KCTD12: variants seen among roughly 807,000 people sequenced by gnomAD.
KCTD12 encodes potassium channel tetramerization domain containing 12, also known as BTB/POZ domain-containing protein KCTD12.
A neutral mutation model predicts 22.6 loss-of-function variants in KCTD12; 16 were observed. The ratio of observed to expected loss-of-function variants is 0.71; its 90% confidence interval spans 0.48 to 1.07. The LOEUF is 1.07. Among genes scored for constraint, KCTD12 ranks in the 50% least tolerant of loss-of-function variants. KCTD12 has a pLI of 0.00. For missense variants in KCTD12, 452 were observed against 469.2 expected (o/e 0.96, Z 0.34); for synonymous variants, 260 against 228.0 (o/e 1.14, Z -1.26).
rs2033215369 is a variant in KCTD12 at position 76,882,547 on chromosome 13, CA to C, written c.*2623del. ...GTTGAGCAGATTTGAGAAGGGAAATCAGAATCGCCGAGCCTTGCCATCTGTC... is the reference window on the plus strand; with the variant it reads ...GTTGAGCAGATTTGAGAAGGGAAATCGAATCGCCGAGCCTTGCCATCTGTC... On this transcript the variant is annotated 3_prime_UTR_variant, in exon 1 of 1. Coordinates refer to ENST00000377474, the MANE Select transcript of KCTD12 (RefSeq NM_138444.4). 1.3e-5 allele frequency: 2 copies of C among 152,300 alleles called. No homozygotes were observed. Among genetic ancestry groups the C allele is most frequent in the African/African-American group, 4.8e-5 (2 of 41,568 alleles). 9.4% of individuals were successfully genotyped at this position (152,300 alleles called of 1,614,324 possible). A position where few individuals can be genotyped will look rare whatever the true frequency, so the allele number is the denominator to read the frequency against.
chr13:76,885,458 G>A lies in KCTD12; in HGVS notation c.691C>T (p.Arg231Trp). The change falls in exon 1 of 1, where the codon CGG (arginine) becomes TGG (tryptophan). Residue 231 changes from arginine (R) to tryptophan (W), a missense_variant. Transcript: ENST00000377474. The surrounding 1 kb of genome is among the most constrained non-coding windows in gnomAD (Gnocchi z 5.1). ...CAAACGGTGATGCGCGCCACTCGCC[G>A]GAACTTGGCGTCCGCCTGCGCGTCC... ...GRDAQADAKF[R>W]RVARITVCGK... The A allele has an allele frequency of 1.2e-6, 2 of 1,610,524 alleles. No homozygotes were observed. The highest frequency in any genetic ancestry group is 1.7e-6 in the Non-Finnish European group (2 of 1,179,802).
At position 76,884,843 on chromosome 13, in the gene KCTD12, A is replaced by G. The variant is rs1411984362; in HGVS notation, c.*328T>C. 3 of 309,296 alleles carry G rather than the reference A, an allele frequency of 9.7e-6. No homozygotes were observed. Among genetic ancestry groups the G allele is most frequent in the African/African-American group, 2.1e-5 (1 of 46,660 alleles). 19.2% of individuals were successfully genotyped at this position (309,296 alleles called of 1,614,324 possible). A position where few individuals can be genotyped will look rare whatever the true frequency, so the allele number is the denominator to read the frequency against. ...CCCGGTCTGTGGCCACACTCCCCCA[A>G]TAGATCCAAACTGAAGTACCATCTG... On this transcript the variant is annotated 3_prime_UTR_variant, in exon 1 of 1. Transcript: ENST00000377474.
chr13:76,880,247 ACT>A lies in KCTD12; in HGVS notation c.*4922_*4923del, dbSNP rs1274891093. ...CAAGTCACATAATCAATGATTCATTACTTCACACACAGGAAGGAAAACAGTAG... is the reference window on the plus strand; with the variant it reads ...CAAGTCACATAATCAATGATTCATTATCACACACAGGAAGGAAAACAGTAG... On this transcript the variant is annotated 3_prime_UTR_variant, in exon 1 of 1. Coordinates refer to ENST00000377474, the MANE Select transcript of KCTD12 (RefSeq NM_138444.4). The A allele has an allele frequency of 1.3e-5, 2 of 152,666 alleles. No homozygotes were observed. The highest frequency in any genetic ancestry group is 4.8e-5 in the African/African-American group (2 of 41,474). 9.5% of individuals were successfully genotyped at this position (152,666 alleles called of 1,614,324 possible).
chr13:76,884,884 G>C lies in KCTD12; in HGVS notation c.*287C>G, dbSNP rs2033243867. 4.9e-6 allele frequency: 2 copies of C among 405,728 alleles called. No homozygotes were observed. Among genetic ancestry groups the C allele is most frequent in the African/African-American group, 4.0e-5 (2 of 49,624 alleles). The allele number at this position is 405,728 out of a possible 1,614,324, so 25.1% of individuals were successfully genotyped here. A position where few individuals can be genotyped will look rare whatever the true frequency, so the allele number is the denominator to read the frequency against. On this transcript the variant is annotated 3_prime_UTR_variant, in exon 1 of 1. Transcript: ENST00000377474. ...GTACCATCTGGGGGAGGGGTGGTTTGAGGCAGGGAGTAGAGAAAGCATGGA... is the reference window on the plus strand; with the variant it reads ...GTACCATCTGGGGGAGGGGTGGTTTCAGGCAGGGAGTAGAGAAAGCATGGA...
chr13:76,885,941 G>A lies in KCTD12; in HGVS notation c.208C>T (p.Gln70Ter), dbSNP rs1460373026. Residue 70 changes from glutamine to a stop codon, truncating the protein, a stop_gained, in exon 1 of 1, where the codon CAG (glutamine) becomes TAG (stop). Transcript: ENST00000377474. LOFTEE classifies it high-confidence loss of function. This position sits in a 1 kb window ranked among gnomAD's most constrained non-coding sequence, Gnocchi z 5.1. ...LWRMFTQQQP[Q>*]ELARDSKGRF... ...CCTTTGCTGTCCCGGGCCAGCTCCT[G>A]CGGCTGCTGCTGCGTGAACATGCGC... 6.3e-7 allele frequency: 1 copy of A among 1,591,600 alleles called. No homozygotes were observed. Among genetic ancestry groups the A allele is most frequent in the South Asian group, 1.1e-5 (1 of 89,690 alleles).
Position 76,885,057 on chromosome 13 carries a change from G to C in KCTD12, c.*114C>G. On this transcript the variant is annotated 3_prime_UTR_variant, in exon 1 of 1. Coordinates refer to ENST00000377474, the MANE Select transcript of KCTD12 (RefSeq NM_138444.4). The surrounding 1 kb of genome is among the most constrained non-coding windows in gnomAD (Gnocchi z 5.1). ...CAGGTCTCACCCAGCTACTACTGGA[G>C]GGGGAGAATGGGAGGGCAGCAGCCA... 8.3e-7 allele frequency: 1 copy of C among 1,202,776 alleles called. No individual in the cohort carries two copies. The allele number at this position is 1,202,776 out of a possible 1,614,324, so 74.5% of individuals were successfully genotyped here.
At position 76,885,980 on chromosome 13, in the gene KCTD12, C is replaced by T; in HGVS notation, c.169G>A (p.Asp57Asn). 6.3e-7 allele frequency: 1 copy of T among 1,588,848 alleles called. No individual in the cohort carries two copies. Among genetic ancestry groups the T allele is most frequent in the Non-Finnish European group, 8.5e-7 (1 of 1,174,218 alleles). ...TRRCTVVSVP[D>N]SLLWRMFTQQ... ...GTGAACATGCGCCAGAGCAGCGAGT[C>T]GGGCACCGACACCACCGTGCAGCGC... Residue 57 changes from aspartate to asparagine, a missense_variant, in exon 1 of 1, where the codon GAC becomes AAC. Around this residue, in one of 2 missense-constraint regions of KCTD12, gnomAD observed 330 missense variants for 296.5 expected, o/e 1.11. Coordinates refer to ENST00000377474, the MANE Select transcript of KCTD12 (RefSeq NM_138444.4). The surrounding 1 kb of genome is among the most constrained non-coding windows in gnomAD (Gnocchi z 5.1).
At position 76,886,288 on chromosome 13, in the gene KCTD12, A is replaced by ACCACCGCCACCG. The variant is rs1555308971; in HGVS notation, c.-141_-140insCGGTGGCGGTGG. On this transcript the variant is annotated 5_prime_UTR_variant, in exon 1 of 1. Coordinates refer to ENST00000377474, the MANE Select transcript of KCTD12 (RefSeq NM_138444.4). Reference sequence around the variant, plus strand: ...CGCCGCCGCCGCCGCCACCGCCGCCACCGCCACCGCCGCCACCTCCTAGAG... The same window carrying ACCACCGCCACCG: ...CGCCGCCGCCGCCGCCACCGCCGCCACCACCGCCACCGCCGCCACCGCCGCCACCTCCTAGAG... The ACCACCGCCACCG allele has an allele frequency of 7.2e-5, 75 of 1,047,780 alleles. 1 individual carries two copies. The Admixed American group carries it at 2.9e-3, about 40-fold the overall frequency. 64.9% of individuals were successfully genotyped at this position (1,047,780 alleles called of 1,614,324 possible).
Position 76,885,189 on chromosome 13 carries a change from G to T in KCTD12, c.960C>A (p.Tyr320Ter). The T allele has an allele frequency of 6.2e-7, 1 of 1,613,416 alleles. No individual in the cohort carries two copies. The highest frequency in any genetic ancestry group is 1.7e-5 in the Admixed American group (1 of 60,004). ...GGGGAGCTCACTCCCTGCAGAAGAC[G>T]TACTCGGTGTAGCTGGTCCAGATCT... ...EDKIWTSYTEYVFCRE is the reference protein window; with the variant it reads ...EDKIWTSYTE Residue 320 changes from tyrosine (Y) to a stop codon, truncating the protein, a stop_gained, in exon 1 of 1, where the codon TAC becomes TAA. Coordinates refer to ENST00000377474, the MANE Select transcript of KCTD12 (RefSeq NM_138444.4). LOFTEE classifies it high-confidence loss of function. This position sits in a 1 kb window ranked among gnomAD's most constrained non-coding sequence, Gnocchi z 5.1.
rs1219774761 is a variant in KCTD12, at chr13:76,885,216, G to C, written c.933C>G (p.Asp311Glu). Residue 311 changes from aspartate to glutamate, a missense_variant, in exon 1 of 1, where the codon GAC (aspartate) becomes GAG (glutamate). This residue lies in a region of KCTD12 where 122 missense variants were observed against 172.8 expected (regional missense o/e 0.71). Transcript: ENST00000377474. The surrounding 1 kb of genome is among the most constrained non-coding windows in gnomAD (Gnocchi z 5.1). ...ACTCGGTGTAGCTGGTCCAGATCTT[G>C]TCCTCGCTCTGGTCGGTGCTGCTGG... is the stretch of plus-strand genomic sequence containing the variant. ...AFASSTDQSE[D>E]KIWTSYTEYV... The C allele has an allele frequency of 6.2e-7, 1 of 1,614,076 alleles. No individual in the cohort carries two copies. The highest frequency in any genetic ancestry group is 8.5e-7 in the Non-Finnish European group (1 of 1,180,038).
Position 76,885,733 on chromosome 13 carries a change from G to A in KCTD12, c.416C>T (p.Pro139Leu). 1 of 1,409,834 alleles carries A rather than the reference G, an allele frequency of 7.1e-7. No homozygotes were observed. The highest frequency in any genetic ancestry group is 2.9e-5 in the East Asian group (1 of 34,550). 87.3% of individuals were successfully genotyped at this position (1,409,834 alleles called of 1,614,324 possible). A position where few individuals can be genotyped will look rare whatever the true frequency, so the allele number is the denominator to read the frequency against. Residue 139 changes from proline (P) to leucine (L), a missense_variant, in exon 1 of 1, where the codon CCG becomes CTG. This residue lies in a region of KCTD12 where 330 missense variants were observed against 296.5 expected (regional missense o/e 1.11). Transcript: ENST00000377474. The surrounding 1 kb of genome is among the most constrained non-coding windows in gnomAD (Gnocchi z 5.1). ...LGAPQQPGPG[P>L]PPSRRGVHKE... The stretch of plus-strand genomic sequence containing the variant: ...GTGCACCCCGCGCCGCGAGGGCGGC[G>A]GCCCCGGGCCGGGCTGCTGGGGCGC...
At position 76,884,889 on chromosome 13, in the gene KCTD12, AGGG is replaced by A. The variant is rs2033244013; in HGVS notation, c.*279_*281del. ...ATCTGGGGGAGGGGTGGTTTGAGGC[AGGG>A]AGTAGAGAAAGCATGGAGTGGTAGG... On this transcript the variant is annotated 3_prime_UTR_variant, in exon 1 of 1. Coordinates refer to ENST00000377474, the MANE Select transcript of KCTD12 (RefSeq NM_138444.4). The A allele has an allele frequency of 1.4e-5, 5 of 346,182 alleles. No individual in the cohort carries two copies. The highest frequency in any genetic ancestry group is 2.5e-5 in the Non-Finnish European group (5 of 198,126). 21.4% of individuals were successfully genotyped at this position (346,182 alleles called of 1,614,324 possible).
chr13:76,882,117 G>A lies in KCTD12; in HGVS notation c.*3054C>T, dbSNP rs1345395087. 2.0e-5 allele frequency: 3 copies of A among 152,144 alleles called. No individual in the cohort carries two copies. The highest frequency in any genetic ancestry group is 7.2e-5 in the African/African-American group (3 of 41,416). 9.4% of individuals were successfully genotyped at this position (152,144 alleles called of 1,614,324 possible). On this transcript the variant is annotated 3_prime_UTR_variant, in exon 1 of 1. Transcript: ENST00000377474. The stretch of plus-strand genomic sequence containing the variant: ...ATAGGAAATTACAATCCACTTTACA[G>A]GCCTCAAAGGTTCATTCTGTGGCCC...
rs1038931230 is a variant in KCTD12, at chr13:76,881,549, G to A, written c.*3622C>T. 1 of 152,578 alleles carries A rather than the reference G, an allele frequency of 6.6e-6. No individual in the cohort carries two copies. The highest frequency in any genetic ancestry group is 6.5e-5 in the Admixed American group (1 of 15,286). 9.5% of individuals were successfully genotyped at this position (152,578 alleles called of 1,614,324 possible). On this transcript the variant is annotated 3_prime_UTR_variant, in exon 1 of 1. Transcript: ENST00000377474. ...ATTTTGTCTGATATTAACAGATTAT[G>A]CATTTCCTCAGAGAAGCAGTAGGTC...
chr13:76,881,742 A>G lies in KCTD12; in HGVS notation c.*3429T>C, dbSNP rs868197140. The G allele has an allele frequency of 2.1e-4, 32 of 151,944 alleles. No individual in the cohort carries two copies. Among genetic ancestry groups the G allele is most frequent in the African/African-American group, 7.0e-4 (29 of 41,368 alleles). The allele number at this position is 151,944 out of a possible 1,614,324, so 9.4% of individuals were successfully genotyped here. A position where few individuals can be genotyped will look rare whatever the true frequency, so the allele number is the denominator to read the frequency against. On this transcript the variant is annotated 3_prime_UTR_variant, in exon 1 of 1. Transcript: ENST00000377474. ...CTTCAAGGAATATTTTCTACAGCAT[A>G]TCATTTGAAAAAGTAGAATGAATAC...
chr13:76,883,247 T>C lies in KCTD12; in HGVS notation c.*1924A>G, dbSNP rs1294650086. ...AATAAAACTGTCGATTTGTAACATCTGTATGGACATAGTAAGATACAGTAC... is the reference window on the plus strand; with the variant it reads ...AATAAAACTGTCGATTTGTAACATCCGTATGGACATAGTAAGATACAGTAC... On this transcript the variant is annotated 3_prime_UTR_variant, in exon 1 of 1. Coordinates refer to ENST00000377474, the MANE Select transcript of KCTD12 (RefSeq NM_138444.4). The C allele has an allele frequency of 9.8e-5, 15 of 152,358 alleles. 1 individual carries two copies. The South Asian group carries it at 2.5e-3, about 25-fold the overall frequency. The allele number at this position is 152,358 out of a possible 1,614,324, so 9.4% of individuals were successfully genotyped here.
Position 76,886,130 on chromosome 13 carries a change from T to C in KCTD12, c.19A>G (p.Thr7Ala). ...CCGCCCCCGTTGGGTAATCCACGTGTGCTGTCCGCCAGAGCCATGACAGAG... is the reference window on the plus strand; with the variant it reads ...CCGCCCCCGTTGGGTAATCCACGTGCGCTGTCCGCCAGAGCCATGACAGAG... MALADS[T>A]RGLPNGGGGG... is the part of the protein sequence containing the mutation. Residue 7 changes from threonine to alanine, a missense_variant, in exon 1 of 1, where the codon ACA (threonine) becomes GCA (alanine). Physicochemically the swap from Thr to Ala is moderately conservative, Grantham distance 58. Around this residue, in one of 2 missense-constraint regions of KCTD12, gnomAD observed 330 missense variants for 296.5 expected, o/e 1.11. Transcript: ENST00000377474. The C allele has an allele frequency of 6.6e-7, 1 of 1,525,132 alleles. No individual in the cohort carries two copies. Among genetic ancestry groups the C allele is most frequent in the Non-Finnish European group, 8.8e-7 (1 of 1,136,730 alleles). 94.5% of individuals were successfully genotyped at this position (1,525,132 alleles called of 1,614,324 possible).
Position 76,885,671 on chromosome 13 carries a change from CA to C in KCTD12, c.477del (p.Gly160AlafsTer94). The C allele has an allele frequency of 6.8e-7, 1 of 1,460,274 alleles. No homozygotes were observed. The highest frequency in any genetic ancestry group is 8.9e-7 in the Non-Finnish European group (1 of 1,119,408). 90.5% of individuals were successfully genotyped at this position (1,460,274 alleles called of 1,614,324 possible). Reference sequence around the variant, plus strand: ...TCCTGCTGTTCGGGCTCCGAGTAGCCAAGCGGCAGCAGCTCGTCACCCAGCG... The same window carrying C: ...TCCTGCTGTTCGGGCTCCGAGTAGCCAGCGGCAGCAGCTCGTCACCCAGCG... ...EGSLGDELLP[L>X]GYSEPEQQEG... On this transcript the variant is annotated frameshift_variant, in exon 1 of 1. Coordinates refer to ENST00000377474, the MANE Select transcript of KCTD12 (RefSeq NM_138444.4). LOFTEE classifies it high-confidence loss of function. The surrounding 1 kb of genome is among the most constrained non-coding windows in gnomAD (Gnocchi z 5.1).
At position 76,885,968 on chromosome 13, in the gene KCTD12, A is replaced by G; in HGVS notation, c.181T>C (p.Trp61Arg). ...GGCTGCTGCTGCGTGAACATGCGCC[A>G]GAGCAGCGAGTCGGGCACCGACACC... is the stretch of plus-strand genomic sequence containing the variant. ...TVVSVPDSLL[W>R]RMFTQQQPQE... The change falls in exon 1 of 1, where the codon TGG becomes CGG. Residue 61 changes from tryptophan (W) to arginine (R), a missense_variant. This residue lies in a region of KCTD12 where 330 missense variants were observed against 296.5 expected (regional missense o/e 1.11). Coordinates refer to ENST00000377474, the MANE Select transcript of KCTD12 (RefSeq NM_138444.4). This position sits in a 1 kb window ranked among gnomAD's most constrained non-coding sequence, Gnocchi z 5.1. 1 of 1,589,128 alleles carries G rather than the reference A, an allele frequency of 6.3e-7. No individual in the cohort carries two copies. Among genetic ancestry groups the G allele is most frequent in the Non-Finnish European group, 8.5e-7 (1 of 1,174,888 alleles).
Sources: allele counts gnomAD v4.1 joint callset, GRCh38; gene constraint gnomAD v4.1.1; regional missense constraint gnomAD v4.1.1; non-coding constraint Gnocchi (gnomAD v3.1); transcripts MANE v1.5; gene names NCBI Gene and HGNC (gene_info 2026-07-23, HGNC 2026-07-21).